Variants in KCNMA1 observed in about 807,000 individuals in gnomAD.
The protein encoded by KCNMA1 is potassium calcium-activated channel subfamily M alpha 1.
Under a neutral mutation model 140.0 loss-of-function variants are expected in KCNMA1, and 29 were observed. The ratio of observed to expected loss-of-function variants is 0.21; its 90% CI spans 0.15 to 0.28. The LOEUF (loss-of-function observed/expected upper bound fraction) is 0.28. Among genes scored for constraint, KCNMA1 ranks in the 10% least tolerant of loss-of-function variants. KCNMA1 has a pLI of 1.00. For synonymous variants in KCNMA1, 612 were observed against 611.9 expected, an observed-to-expected ratio of 1.00 and a Z score of 0.00; for missense variants, 880 against 1,602.2, an observed-to-expected ratio of 0.55 and a Z score of 7.70.
intron 1 of KCNMA1, among the ~76,000 whole-genome samples, chr10:77,545,304 TA>T (rs1188024131): frequency 6.6e-6 from 1 of 152,236 alleles, no homozygotes; most frequent in African/African-American, 2.4e-5. Flanking sequence ...TCTTCCTAAT[TA>T]AATTTTTTCA....
At chr10:77,572,857 C>T (rs2072201608) in intron 1 of KCNMA1, among the ~76,000 whole-genome samples, 1 of 151,512 alleles carries the variant, frequency 6.6e-6, no homozygotes. Flanking sequence ...TTTAGAATTC[C>T]AATTGTTTCG....
chr10:77,222,794 A>C (rs558700928), intron 3 of KCNMA1, among the ~76,000 whole-genome samples: 23 of 152,316 alleles, frequency 1.5e-4, no homozygotes, highest in Non-Finnish European at 2.6e-4. Context: ...CTTTAGCTTT[A>C]TTATCTGAGA....
chr10:77,599,127 G>A (rs1163481079), intron 1 of KCNMA1, among the ~76,000 whole-genome samples: 1 of 152,204 alleles, frequency 6.6e-6, no homozygotes, highest in Non-Finnish European at 1.5e-5. Flanking sequence ...TGGGCTGGAT[G>A]TATACGATAC....
chr10:77,560,138 G>A (rs2673433), intron 1 of KCNMA1, among the ~76,000 whole-genome samples: 107,946 of 152,028 alleles, frequency 0.71, 39,122 homozygotes, highest in South Asian at 0.86. Flanking sequence ...AGCCAAGATC[G>A]CGCTACTGCA....
intron 1 of KCNMA1, among the ~76,000 whole-genome samples, chr10:77,453,432 T>G (rs2097700502): frequency 6.6e-6 from 1 of 152,150 alleles, no homozygotes; most frequent in African/African-American, 2.4e-5. Context: ...AGAAGTAGCA[T>G]GGACTAGATC....
At chr10:77,249,774 AG>A (rs1235286885) in intron 3 of KCNMA1, 1 of 152,204 alleles carries the variant, frequency 6.6e-6, no homozygotes, top group African/African-American at 2.4e-5. Flanking sequence ...AATATTTAAA[AG>A]GGGGCTTACC....
At chr10:77,128,876 T>G (rs2097795309) in intron 5 of KCNMA1, among the ~76,000 whole-genome samples, 1 of 152,176 alleles carries the variant, frequency 6.6e-6, no homozygotes, top group African/African-American at 2.4e-5. Flanking sequence ...TCAGTGGGTC[T>G]CCGATGGGGC....
At chr10:77,474,606 G>A (rs1247799464) in intron 1 of KCNMA1, among the ~76,000 whole-genome samples, 2 of 151,994 alleles carry the variant, frequency 1.3e-5, no homozygotes, top group Non-Finnish European at 2.9e-5. Context: ...CATGGGGCGC[G>A]GTAGGGTGTG....
chr10:77,080,487 A>C (rs560581594), intron 12 of KCNMA1, among the ~76,000 whole-genome samples: 17 of 152,202 alleles, frequency 1.1e-4, no homozygotes, highest in Non-Finnish European at 2.1e-4. Context: ...AGCCAGGGCT[A>C]TCCTGAGGGG....
At chr10:77,606,460 A>C (rs1300468681) in intron 1 of KCNMA1, among the ~76,000 whole-genome samples, 8 of 152,168 alleles carry the variant, frequency 5.3e-5, no homozygotes, top group African/African-American at 1.9e-4. Context: ...TAATTAAAAA[A>C]TTAGCTGGGC....
At chr10:77,347,468 C>T (rs559420442) in intron 2 of KCNMA1, among the ~76,000 whole-genome samples, 3 of 152,268 alleles carry the variant, frequency 2.0e-5, no homozygotes, top group Non-Finnish European at 4.4e-5. Context: ...AGATGAGGTT[C>T]GTGTCTGTGG....
rs1471638632 is a variant in KCNMA1 at position 77,184,774 on chromosome 10, C to T, written c.696+49G>A. The T allele has an allele frequency of 3.4e-6, 4 of 1,172,864 alleles. No homozygotes were observed. The African/African-American group carries it at 6.1e-5, about 18-fold the overall frequency. The allele number at this position is 1,172,864 out of a possible 1,614,324, so 72.7% of individuals were successfully genotyped here. On this transcript the variant is annotated intron_variant, in intron 4 of 27. Transcript: ENST00000286628. ...GCTGAGGGGGATGATCCCTGGGTCC[C>T]AGACTGAAACACCCCATTGTGATAC...
intron 19 of KCNMA1, among the ~76,000 whole-genome samples, chr10:76,978,179 G>A (rs1187637287): frequency 1.3e-5 from 2 of 152,212 alleles, no homozygotes; most frequent in Non-Finnish European, 2.9e-5. Context: ...GATCCAGACG[G>A]CTGCTGTCTC....
chr10:77,559,165 G>A (rs1236427297), intron 1 of KCNMA1, among the ~76,000 whole-genome samples: 4 of 152,198 alleles, frequency 2.6e-5, no homozygotes, highest in Non-Finnish European at 5.9e-5. Context: ...ACAACCTTAG[G>A]GCAATGGGGC....
intron 5 of KCNMA1, among the ~76,000 whole-genome samples, chr10:77,123,288 G>C (rs188515949): frequency 2.0e-5 from 3 of 147,710 alleles, no homozygotes; most frequent in African/African-American, 7.6e-5. Flanking sequence ...TTTATACCCA[G>C]TCAAGTGGTT....
chr10:77,151,077 G>GTTTC (rs927887372), intron 5 of KCNMA1, among the ~76,000 whole-genome samples: 6 of 151,480 alleles, frequency 4.0e-5, no homozygotes, highest in African/African-American at 1.5e-4. Flanking sequence ...TAAATCTGCA[G>GTTTC]TTTCTTTCTT....
At chr10:77,146,299 G>T (rs939829479) in intron 5 of KCNMA1, among the ~76,000 whole-genome samples, 1 of 152,162 alleles carries the variant, frequency 6.6e-6, no homozygotes, top group Non-Finnish European at 1.5e-5. Flanking sequence ...AAAAAACTGT[G>T]CCTTGGGTTC....
intron 2 of KCNMA1, among the ~76,000 whole-genome samples, chr10:77,375,062 C>T (rs1463118967): frequency 6.6e-6 from 1 of 152,106 alleles, no homozygotes; most frequent in Non-Finnish European, 1.5e-5. Flanking sequence ...ATGGCCAACA[C>T]CTAAGTGCTG....
intron 2 of KCNMA1, among the ~76,000 whole-genome samples, chr10:77,371,246 G>A (rs1475859269): frequency 2.0e-5 from 3 of 152,100 alleles, no homozygotes; most frequent in Non-Finnish European, 2.9e-5. Context: ...AGTATGATAT[G>A]TGACCCCTGG....
Sources: allele counts gnomAD v4.1 joint callset (sites outside exome capture counted in the v4.1 genomes callset), GRCh38; gene constraint gnomAD v4.1.1; transcripts MANE v1.5; gene names NCBI Gene and HGNC (gene_info 2026-07-23, HGNC 2026-07-21).